The following ANKRD31 variants were observed in gnomAD, a reference collection of about 807,000 sequenced individuals.
ANKRD31 encodes ankyrin repeat domain-containing protein 31.
In ANKRD31, 147 loss-of-function variants were observed where a neutral mutation model predicts 186.0. That is an observed-to-expected ratio of 0.79 (90% confidence interval 0.69 to 0.91). The LOEUF (loss-of-function observed/expected upper bound fraction) is 0.91, where lower values mean the gene tolerates loss of function less well. Among genes scored for constraint, ANKRD31 ranks in the 40% least tolerant of loss-of-function variants. The probability of loss-of-function intolerance (pLI) is 0.00; values close to 1 mark genes in which losing one functional copy is unlikely to be tolerated. For missense variants in ANKRD31, 1,986 were observed against 2,148.8 expected (o/e 0.92, Z 1.50); for synonymous variants, 673 against 736.4 (o/e 0.91, Z 1.39).
chr5:75,205,400 A>G (rs1190142714), intron 5 of ANKRD31, among the ~76,000 whole-genome samples: 1 of 152,166 alleles, frequency 6.6e-6, no homozygotes, highest in Non-Finnish European at 1.5e-5. Flanking sequence ...CTGGCCCCAG[A>G]CATCCTTGAA....
chr5:75,145,056 T>C (rs1308353966), intron 14 of ANKRD31, among the ~76,000 whole-genome samples: 1 of 152,120 alleles, frequency 6.6e-6, no homozygotes, highest in Non-Finnish European at 1.5e-5. Context: ...TCACGCCAGT[T>C]AGAATGGCGA....
intron 3 of ANKRD31, among the ~76,000 whole-genome samples, chr5:75,219,010 GC>G (rs1757132882): frequency 6.6e-6 from 1 of 151,982 alleles, no homozygotes; most frequent in Non-Finnish European, 1.5e-5. Context: ...CTATGACAAA[GC>G]CACAGCCACC....
chr5:75,081,700 C>CACAG (rs1411909772), intron 24 of ANKRD31, among the ~76,000 whole-genome samples: 1 of 137,006 alleles, frequency 7.3e-6, no homozygotes, highest in African/African-American at 2.7e-5. Context: ...GAGAGAGAGA[C>CACAG]AGAGAGAGAG....
chr5:75,131,150 T>G (rs1749773521), intron 17 of ANKRD31, among the ~76,000 whole-genome samples: 1 of 151,998 alleles, frequency 6.6e-6, no homozygotes, highest in South Asian at 2.1e-4. Context: ...AGCTCCGACC[T>G]GTGCCTCTCC....
At chr5:75,085,355 G>C (rs560570165) in intron 23 of ANKRD31, among the ~76,000 whole-genome samples, 1 of 151,714 alleles carries the variant, frequency 6.6e-6, no homozygotes, top group Non-Finnish European at 1.5e-5. Context: ...CTGAAGTCCC[G>C]GCTCCTTTTC....
At chr5:75,134,818 C>A (rs141439237) in intron 17 of ANKRD31, among the ~76,000 whole-genome samples, 1 of 152,112 alleles carries the variant, frequency 6.6e-6, no homozygotes, top group Non-Finnish European at 1.5e-5. Flanking sequence ...GCTTATCCAC[C>A]GTGATCAAGT....
intron 5 of ANKRD31, among the ~76,000 whole-genome samples, chr5:75,205,315 A>T (rs971542778): frequency 6.6e-6 from 1 of 152,178 alleles, no homozygotes; most frequent in African/African-American, 2.4e-5. Context: ...TTTTATCCCT[A>T]CTTAATTTAT....
At chr5:75,097,414 T>G in intron 22 of ANKRD31, among the ~76,000 whole-genome samples, 1 of 152,240 alleles carries the variant, frequency 6.6e-6, no homozygotes, top group Admixed American at 6.5e-5. Flanking sequence ...TGGCCAGTGA[T>G]GATGAGCATT....
chr5:75,083,674 G>C (rs934052314), intron 24 of ANKRD31, among the ~76,000 whole-genome samples: 1 of 151,946 alleles, frequency 6.6e-6, no homozygotes, highest in African/African-American at 2.4e-5. Flanking sequence ...AGGTTGCAGT[G>C]AGCTGAGATT....
intron 3 of ANKRD31, among the ~76,000 whole-genome samples, chr5:75,215,134 C>T (rs1001700603): frequency 4.6e-5 from 7 of 152,086 alleles, no homozygotes; most frequent in African/African-American, 1.4e-4. Flanking sequence ...GGAAATCATC[C>T]GGGAGAGCTA....
intron 11 of ANKRD31, among the ~76,000 whole-genome samples, chr5:75,157,325 T>C (rs1195934540): frequency 7.2e-5 from 11 of 152,226 alleles, no homozygotes. Flanking sequence ...AACTTATAAA[T>C]GCTAAACTTA....
chr5:75,131,546 G>A (rs1036608879), intron 17 of ANKRD31, among the ~76,000 whole-genome samples: 1 of 152,214 alleles, frequency 6.6e-6, no homozygotes, highest in Non-Finnish European at 1.5e-5. Context: ...CACAGCTCAA[G>A]GAAGGCTGCC....
intron 14 of ANKRD31, among the ~76,000 whole-genome samples, chr5:75,145,012 G>T (rs1489960613): frequency 6.6e-6 from 1 of 152,154 alleles, no homozygotes; most frequent in African/African-American, 2.4e-5. Context: ...GGTCATTAGA[G>T]AAATGCAAAT....
chr5:75,181,856 C>A (rs1341184341), intron 10 of ANKRD31, among the ~76,000 whole-genome samples: 1 of 149,508 alleles, frequency 6.7e-6, no homozygotes, highest in Non-Finnish European at 1.5e-5. Flanking sequence ...GCACATTGTG[C>A]ACATGTACCC....
At chr5:75,194,688 T>G (rs1247306703) in intron 7 of ANKRD31, among the ~76,000 whole-genome samples, 2 of 152,092 alleles carry the variant, frequency 1.3e-5, no homozygotes, top group African/African-American at 2.4e-5. Context: ...TTCAGCAAAT[T>G]AAAAGATTTA....
Position 75,105,054 on chromosome 5 carries a change from TTCCTTAAAC to T in ANKRD31, c.4496_4504del (p.Ser1499_Arg1501del). Reference sequence around the variant, plus strand: ...AGAGATTTCTGATCTGGGTGGGAGCTTCCTTAAACTAAGACAAGGCAATGATGTAACATT... The same window carrying T: ...AGAGATTTCTGATCTGGGTGGGAGCTTAAGACAAGGCAATGATGTAACATT... On this transcript the variant is annotated inframe_deletion, in exon 22 of 26. Transcript: ENST00000506364. 6.5e-7 allele frequency: 1 copy of T among 1,536,888 alleles called. No individual in the cohort carries two copies. The highest frequency in any genetic ancestry group is 2.4e-5 in the East Asian group (1 of 40,906).
intron 22 of ANKRD31, among the ~76,000 whole-genome samples, chr5:75,099,915 T>C (rs1383804090): frequency 6.6e-6 from 1 of 152,212 alleles, no homozygotes; most frequent in Non-Finnish European, 1.5e-5. Context: ...TTTGTGTCTC[T>C]ATTTCCCTCA....
intron 4 of ANKRD31, among the ~76,000 whole-genome samples, 185 bp from the exon 5 acceptor site, chr5:75,206,672 G>A (rs1210389378): frequency 6.6e-6 from 1 of 151,900 alleles, no homozygotes; most frequent in Non-Finnish European, 1.5e-5. Context: ...TCAAGTAACT[G>A]CACAAATGAA....
chr5:75,140,341 G>A (rs1313201237), intron 15 of ANKRD31, among the ~76,000 whole-genome samples: 1 of 151,026 alleles, frequency 6.6e-6, no homozygotes. Context: ...TAGGAAGGAA[G>A]GAAGGAACTG....
Sources: allele counts gnomAD v4.1 joint callset (sites outside exome capture counted in the v4.1 genomes callset), GRCh38; gene constraint gnomAD v4.1.1; transcripts MANE v1.5; gene names NCBI Gene and HGNC (gene_info 2026-07-23, HGNC 2026-07-21).